Variants in CYP4F22 observed in about 807,000 individuals in gnomAD.
The protein encoded by CYP4F22 is cytochrome P450 family 4 subfamily F member 22, also known as ultra-long-chain fatty acid omega-hydroxylase.
In CYP4F22, 37 loss-of-function variants were observed where a neutral mutation model predicts 60.4. The ratio of observed to expected loss-of-function variants is 0.61; its 90% CI spans 0.47 to 0.81. The LOEUF is 0.81. Among genes scored for constraint, CYP4F22 ranks in the 30% least tolerant of loss-of-function variants. The pLI is 0.00. For synonymous variants in CYP4F22, 258 were observed against 280.5 expected (o/e 0.92, Z 0.80); for missense variants, 655 against 715.0 (o/e 0.92, Z 0.96).
At chr19:15,530,219 C>T (rs11085959) in intron 4 of CYP4F22, among the ~76,000 whole-genome samples, 72,409 of 151,990 alleles carry the variant, frequency 0.48, 18,079 homozygotes, top group Middle Eastern at 0.57. Flanking sequence ...CTTGGTGACT[C>T]AGCCTGCAGC....
At chr19:15,541,633 C>T (rs752609367) in intron 8 of CYP4F22, among the ~76,000 whole-genome samples, 1 of 152,096 alleles carries the variant, frequency 6.6e-6, no homozygotes, top group Non-Finnish European at 1.5e-5. Context: ...GTAATCCCAG[C>T]ACTCTGGGAG....
rs570044827 is a variant in CYP4F22, at chr19:15,543,887, G to A, written c.940-84G>A. On this transcript the variant is annotated intron_variant, in intron 8 of 13. Transcript: ENST00000269703. Reference sequence around the variant, plus strand: ...AAAAAAAAAAAAAAAAGATGGGGGCGGGGAGATATCTGAGTTTTGAGGAGC... The same window carrying A: ...AAAAAAAAAAAAAAAAGATGGGGGCAGGGAGATATCTGAGTTTTGAGGAGC... 349 of 1,434,140 alleles carry A rather than the reference G, an allele frequency of 2.4e-4. 1 individual carries two copies. Among genetic ancestry groups the A allele is most frequent in the South Asian group, 1.8e-3 (152 of 86,410 alleles). 88.8% of individuals were successfully genotyped at this position (1,434,140 alleles called of 1,614,324 possible). A position where few individuals can be genotyped will look rare whatever the true frequency, so the allele number is the denominator to read the frequency against.
intron 3 of CYP4F22, among the ~76,000 whole-genome samples, chr19:15,526,638 T>G (rs1271101250): frequency 2.6e-5 from 4 of 152,150 alleles, no homozygotes; most frequent in African/African-American, 9.7e-5. Context: ...GTGGCAGAGC[T>G]GGGGTTCAAA....
At chr19:15,531,364 C>T (rs1183022796) in intron 4 of CYP4F22, among the ~76,000 whole-genome samples, 3 of 140,534 alleles carry the variant, frequency 2.1e-5, no homozygotes, top group African/African-American at 5.5e-5. Context: ...GCCTGGGTGA[C>T]AGAGCAAGGC....
intron 1 of CYP4F22, chr19:15,516,622 AT>A (rs1599788586): frequency 6.2e-6 from 2 of 323,622 alleles, no homozygotes; most frequent in East Asian, 1.6e-4. Context: ...AGGAACAAGC[AT>A]TCTATTTCTG....
intron 1 of CYP4F22, among the ~76,000 whole-genome samples, chr19:15,513,778 C>A (rs1410920875): frequency 6.6e-6 from 1 of 152,292 alleles, no homozygotes; most frequent in South Asian, 2.1e-4. Flanking sequence ...GCTGGGATTA[C>A]AGGCGTGAGC....
intron 10 of CYP4F22, 102 bp from the exon 11 acceptor site, chr19:15,548,006 T>C: frequency 2.3e-5 from 4 of 175,072 alleles, no homozygotes; most frequent in Non-Finnish European, 3.5e-5. Context: ...GGAGAGAGTG[T>C]GTGTGTGTGT....
chr19:15,520,650 C>T (rs947166694), intron 1 of CYP4F22, among the ~76,000 whole-genome samples: 5 of 152,036 alleles, frequency 3.3e-5, no homozygotes, highest in Non-Finnish European at 5.9e-5. Context: ...TGCAGTGGCA[C>T]GATCTCGGCT....
Position 15,549,207 on chromosome 19 carries a change from G to A in CYP4F22, c.1335+5G>A. The A allele has an allele frequency of 1.9e-6, 3 of 1,613,992 alleles. No homozygotes were observed. The highest frequency in any genetic ancestry group is 1.1e-5 in the South Asian group (1 of 91,076). On this transcript the variant is annotated splice_donor_5th_base_variant and intron_variant, in intron 12 of 13. Coordinates refer to ENST00000269703, the MANE Select transcript of CYP4F22 (RefSeq NM_173483.4). ...ACAGTGTGGCCTGACTCCAAGGTGAGTGCCTGCCCCACTCCTCCCTGCCCT... is the reference window on the plus strand; with the variant it reads ...ACAGTGTGGCCTGACTCCAAGGTGAATGCCTGCCCCACTCCTCCCTGCCCT...
intron 4 of CYP4F22, among the ~76,000 whole-genome samples, chr19:15,535,792 A>G (rs1971388639): frequency 6.6e-6 from 1 of 152,208 alleles, no homozygotes; most frequent in Admixed American, 6.5e-5. Flanking sequence ...TCATTCATCC[A>G]TCCTTGGATT....
At chr19:15,531,516 C>T (rs1971343095) in intron 4 of CYP4F22, among the ~76,000 whole-genome samples, 1 of 152,178 alleles carries the variant, frequency 6.6e-6, no homozygotes, top group African/African-American at 2.4e-5. Context: ...GCCATCTTCC[C>T]CTTCCACAGC....
chr19:15,509,877 C>CTTTCTTTCTTTCT (rs1212477445), intron 1 of CYP4F22, among the ~76,000 whole-genome samples: 1 of 123,378 alleles, frequency 8.1e-6, no homozygotes, highest in Non-Finnish European at 1.7e-5. Context: ...TCCTTCCTTC[C>CTTTCTTTCTTTCT]TTCCTTCCTT....
chr19:15,549,041 T>C (rs1341620740), intron 11 of CYP4F22, 97 bp from the exon 12 acceptor site: 8 of 1,384,934 alleles, frequency 5.8e-6, no homozygotes, highest in Non-Finnish European at 7.2e-6. Context: ...AGATGGCTCA[T>C]GGGAACATCA....
intron 3 of CYP4F22, among the ~76,000 whole-genome samples, chr19:15,528,824 C>T (rs1971310502): frequency 6.6e-6 from 1 of 152,178 alleles, no homozygotes; most frequent in African/African-American, 2.4e-5. Context: ...CCACAGTGAC[C>T]AACACAGTGC....
At chr19:15,533,851 A>G (rs1599803078) in intron 4 of CYP4F22, among the ~76,000 whole-genome samples, 2 of 150,714 alleles carry the variant, frequency 1.3e-5, no homozygotes, top group East Asian at 3.9e-4. Flanking sequence ...CACTGTATGG[A>G]TTTTTTTTTG....
chr19:15,520,782 T>G (rs1417965681), intron 1 of CYP4F22, among the ~76,000 whole-genome samples: 1 of 151,386 alleles, frequency 6.6e-6, no homozygotes, highest in Non-Finnish European at 1.5e-5. Context: ...TTGTTTTTTT[T>G]TTTTGAGACA....
chr19:15,540,092 T>C (rs1971440280), intron 7 of CYP4F22, among the ~76,000 whole-genome samples: 1 of 152,216 alleles, frequency 6.6e-6, no homozygotes, highest in Non-Finnish European at 1.5e-5. Context: ...GATGCTACAA[T>C]GACTATGCCT....
intron 1 of CYP4F22, among the ~76,000 whole-genome samples, chr19:15,513,526 G>A (rs1020487995): frequency 4.6e-5 from 7 of 151,836 alleles, no homozygotes; most frequent in Non-Finnish European, 7.4e-5. Context: ...CACCTCGCCC[G>A]GCTAATTTTT....
chr19:15,550,767 T>C lies in CYP4F22; in HGVS notation c.1418+11T>C. 6.2e-7 allele frequency: 1 copy of C among 1,614,030 alleles called. No individual in the cohort carries two copies. Among genetic ancestry groups the C allele is most frequent in the Non-Finnish European group, 8.5e-7 (1 of 1,179,916 alleles). Reference sequence around the variant, plus strand: ...CTCTGCAGGACCCAGGTAACCCCTCTATTTCCCCTAGTCCAAGCCAGCTGT... The same window carrying C: ...CTCTGCAGGACCCAGGTAACCCCTCCATTTCCCCTAGTCCAAGCCAGCTGT... On this transcript the variant is annotated intron_variant, in intron 13 of 13. Coordinates refer to ENST00000269703, the MANE Select transcript of CYP4F22 (RefSeq NM_173483.4).
Sources: allele counts gnomAD v4.1 joint callset (sites outside exome capture counted in the v4.1 genomes callset), GRCh38; gene constraint gnomAD v4.1.1; transcripts MANE v1.5; gene names NCBI Gene and HGNC (gene_info 2026-07-23, HGNC 2026-07-21).